DNASE1L3: variants seen among roughly 807,000 people sequenced by gnomAD.
DNASE1L3 encodes the protein deoxyribonuclease 1L3.
A neutral mutation model predicts 30.9 loss-of-function variants in DNASE1L3; 27 were observed. The observed-to-expected ratio is 0.87, with a 90% CI of 0.64 to 1.20. DNASE1L3 has a LOEUF of 1.20. Among genes scored for constraint, DNASE1L3 ranks in the 50% most tolerant of loss-of-function variants. The pLI is 0.00. For synonymous variants in DNASE1L3, 135 were observed against 138.0 expected (o/e 0.98, Z 0.15); for missense variants, 364 against 378.2 (o/e 0.96, Z 0.31).
intron 2 of DNASE1L3, 78 bp downstream of exon 2, chr3:58,208,140 A>G: frequency 7.1e-7 from 1 of 1,402,232 alleles, no homozygotes; most frequent in Non-Finnish European, 1.0e-6. Context: ...ATCTCACATT[A>G]CTTTCAGTTC....
At chr3:58,207,994 G>A (rs2097405216) in intron 2 of DNASE1L3, 3 of 464,172 alleles carry the variant, frequency 6.5e-6, no homozygotes, top group Non-Finnish European at 1.1e-5. Flanking sequence ...TTCTTTCTGT[G>A]TCCAGACCCC....
rs922379981 is a variant in DNASE1L3 at position 58,200,250 on chromosome 3, C to T, written c.546+747G>A. ...ACAGATTTAGTCAATCAGAGTAGCT[C>T]AACACCCTGATCACAATGATTGGTT... On this transcript the variant is annotated intron_variant, in intron 5 of 7. Transcript: ENST00000394549. This position sits in a 1 kb window ranked among gnomAD's most constrained non-coding sequence, Gnocchi z 4.2. 3.3e-5 allele frequency among the ~76,000 whole-genome samples: 5 copies of T among 152,182 alleles called. No individual in the cohort carries two copies. Among genetic ancestry groups the T allele is most frequent in the Non-Finnish European group, 7.3e-5 (5 of 68,034 alleles).
At chr3:58,203,411 T>C (rs1343718264) in intron 4 of DNASE1L3, among the ~76,000 whole-genome samples, 1 of 152,204 alleles carries the variant, frequency 6.6e-6, no homozygotes, top group Non-Finnish European at 1.5e-5. Context: ...TCACCTCCTC[T>C]GTCTTGTCCA....
chr3:58,193,251 G>T (rs933067905), intron 7 of DNASE1L3, 92 bp downstream of exon 7: 3 of 1,523,518 alleles, frequency 2.0e-6, no homozygotes, highest in Non-Finnish European at 2.7e-6. Context: ...TAATTTTTTT[G>T]AATTTTTCAT....
chr3:58,192,932 T>A lies in DNASE1L3; in HGVS notation c.802-129A>T. On this transcript the variant is annotated intron_variant, in intron 7 of 7. Transcript: ENST00000394549. The surrounding 1 kb of genome is among the most constrained non-coding windows in gnomAD (Gnocchi z 4.8). Reference sequence around the variant, plus strand: ...GCCCGAAGTCACCCCACAGAACACTTACTGGTAAGCGTCATTCCAAGACCA... The same window carrying A: ...GCCCGAAGTCACCCCACAGAACACTAACTGGTAAGCGTCATTCCAAGACCA... 6.8e-7 allele frequency: 1 copy of A among 1,476,214 alleles called. No homozygotes were observed. The highest frequency in any genetic ancestry group is 2.4e-5 in the East Asian group (1 of 41,706). The allele number at this position is 1,476,214 out of a possible 1,614,324, so 91.4% of individuals were successfully genotyped here. A position where few individuals can be genotyped will look rare whatever the true frequency, so the allele number is the denominator to read the frequency against.
intron 4 of DNASE1L3, among the ~76,000 whole-genome samples, chr3:58,204,410 G>A (rs1289920093): frequency 6.6e-6 from 1 of 152,060 alleles, no homozygotes; most frequent in African/African-American, 2.4e-5. Flanking sequence ...CAAAGTGCTG[G>A]GATTACAGCC....
intron 4 of DNASE1L3, among the ~76,000 whole-genome samples, chr3:58,202,614 G>A (rs1370768544): frequency 6.6e-6 from 1 of 151,974 alleles, no homozygotes; most frequent in Non-Finnish European, 1.5e-5. Flanking sequence ...ACCACTTTGG[G>A]AGGCTGAGGC....
chr3:58,203,528 T>C (rs953305151), intron 4 of DNASE1L3, among the ~76,000 whole-genome samples: 7 of 152,216 alleles, frequency 4.6e-5, no homozygotes, highest in African/African-American at 1.4e-4. Context: ...CTGGGCACAG[T>C]GGCTTACACC....
In DNASE1L3 at chr3:58,207,445, C is replaced by A. The variant is rs1026530436; in HGVS notation, c.230+773G>T. ...TCACCACAGCTCTCTGATCACACCC[C>A]CCCCCCCCCCACCAGAAGTAACCAC... On this transcript the variant is annotated intron_variant, in intron 2 of 7. Transcript: ENST00000394549. Among the ~76,000 whole-genome samples, 11 of 36,420 alleles carry A rather than the reference C, an allele frequency of 3.0e-4. 1 individual carries two copies. Among genetic ancestry groups the A allele is most frequent in the African/African-American group, 5.3e-4 (3 of 5,692 alleles). 23.9% of individuals were successfully genotyped at this position (36,420 alleles called of 152,430 possible).
chr3:58,193,297 C>T (rs748154356), intron 7 of DNASE1L3, 46 bp downstream of exon 7: 2 of 1,600,854 alleles, frequency 1.2e-6, no homozygotes, highest in South Asian at 2.2e-5. Context: ...CAAGCTAACT[C>T]ATCTTTCCAG....
At position 58,192,998 on chromosome 3, in the gene DNASE1L3, C is replaced by T. The variant is rs537049566; in HGVS notation, c.802-195G>A. On this transcript the variant is annotated intron_variant, in intron 7 of 7. Transcript: ENST00000394549. This position sits in a 1 kb window ranked among gnomAD's most constrained non-coding sequence, Gnocchi z 4.8. ...TTGGAGGGGCCTCAAATCACAGAAT[C>T]ATAGGCATTGAGGGTCAAGGTCTAG... The T allele has an allele frequency of 1.4e-6, 2 of 1,434,076 alleles. No individual in the cohort carries two copies. Among genetic ancestry groups the T allele is most frequent in the Non-Finnish European group, 1.8e-6 (2 of 1,101,658 alleles). The allele number at this position is 1,434,076 out of a possible 1,614,324, so 88.8% of individuals were successfully genotyped here.
At chr3:58,210,483 CT>C (rs1195626033) in intron 1 of DNASE1L3, among the ~76,000 whole-genome samples, 1 of 152,198 alleles carries the variant, frequency 6.6e-6, no homozygotes, top group Non-Finnish European at 1.5e-5. Context: ...ATCATAATGG[CT>C]AACCCTTATC....
At chr3:58,207,425 A>G (rs991723697) in intron 2 of DNASE1L3, among the ~76,000 whole-genome samples, 3 of 128,740 alleles carry the variant, frequency 2.3e-5, no homozygotes, top group African/African-American at 8.9e-5. Context: ...CCCTTTCACC[A>G]CAGCTCTCTG....
At position 58,200,785 on chromosome 3, in the gene DNASE1L3, T is replaced by C. The variant is rs1487056093; in HGVS notation, c.546+212A>G. Among the ~76,000 whole-genome samples, 1 of 152,316 alleles carries C rather than the reference T, an allele frequency of 6.6e-6. No homozygotes were observed. Among genetic ancestry groups the C allele is most frequent in the East Asian group, 1.9e-4 (1 of 5,192 alleles). On this transcript the variant is annotated intron_variant, in intron 5 of 7. Transcript: ENST00000394549. The surrounding 1 kb of genome is among the most constrained non-coding windows in gnomAD (Gnocchi z 4.2). ...TTGGCATCTGTTATTAATGGGAAAG[T>C]GTGGCAATTCCCAAGGCCCACATGC...
rs13085995 is a variant in DNASE1L3, at chr3:58,197,351, C to T, written c.704+470G>A. On this transcript the variant is annotated intron_variant, in intron 6 of 7. Transcript: ENST00000394549. This position sits in a 1 kb window ranked among gnomAD's most constrained non-coding sequence, Gnocchi z 5.3. Reference sequence around the variant, plus strand: ...GCTAAGCTACAGTGCCCAGGGCCACCGCATAGGGTCCTGTGGTTCATACGC... The same window carrying T: ...GCTAAGCTACAGTGCCCAGGGCCACTGCATAGGGTCCTGTGGTTCATACGC... Among the ~76,000 whole-genome samples the T allele has an allele frequency of 0.07, 10,645 of 152,172 alleles. 675 individuals carry two copies. The highest frequency in any genetic ancestry group is 0.17 in the African/African-American group (7,228 of 41,480).
intron 6 of DNASE1L3, among the ~76,000 whole-genome samples, chr3:58,195,570 C>G (rs1008238919): frequency 6.9e-6 from 1 of 145,388 alleles, no homozygotes. Context: ...GAGTTCAAGA[C>G]CAGCCTGGCC....
At chr3:58,198,108 T>A in intron 5 of DNASE1L3, 130 bp from the exon 6 acceptor site, 2 of 1,073,864 alleles carry the variant, frequency 1.9e-6, no homozygotes, top group Non-Finnish European at 2.6e-6. Context: ...GAATCTTGTC[T>A]ACCCCCTGCT....
In DNASE1L3 at chr3:58,192,583, G is replaced by C; in HGVS notation, c.*104C>G. 1.6e-6 allele frequency: 2 copies of C among 1,213,348 alleles called. No homozygotes were observed. The highest frequency in any genetic ancestry group is 2.3e-6 in the Non-Finnish European group (2 of 870,404). The allele number at this position is 1,213,348 out of a possible 1,614,324, so 75.2% of individuals were successfully genotyped here. ...AATAAATTCAGGTCAAAAAATGAAA[G>C]CAGTTGGATCACTCTTGTTTCCTAA... On this transcript the variant is annotated 3_prime_UTR_variant, in exon 8 of 8. Transcript: ENST00000394549. The surrounding 1 kb of genome is among the most constrained non-coding windows in gnomAD (Gnocchi z 4.8).
chr3:58,201,930 A>G (rs1269012018), intron 4 of DNASE1L3, among the ~76,000 whole-genome samples: 1 of 152,232 alleles, frequency 6.6e-6, no homozygotes, highest in African/African-American at 2.4e-5. Flanking sequence ...TTGCAGTACC[A>G]GGGAACAAGC....
Sources: allele counts gnomAD v4.1 joint callset (sites outside exome capture counted in the v4.1 genomes callset), GRCh38; gene constraint gnomAD v4.1.1; non-coding constraint Gnocchi (gnomAD v3.1); transcripts MANE v1.5; gene names NCBI Gene and HGNC (gene_info 2026-07-23, HGNC 2026-07-21).